TTN: variants seen among roughly 807,000 people sequenced by gnomAD.
TTN encodes the protein connectin.
TTN carries 1,525 observed loss-of-function variants against 3,223.0 expected under a neutral mutation model. The observed-to-expected ratio is 0.47, with a 90% confidence interval of 0.45 to 0.49. TTN has a LOEUF of 0.49. Among genes scored for constraint, TTN ranks in the 20% least tolerant of loss-of-function variants. TTN has a pLI of 0.00. For synonymous variants in TTN, 14,094 were observed against 15,161.0 expected (o/e 0.93, Z 5.17); for missense variants, 40,786 against 43,424.0 (o/e 0.94, Z 5.40).
At chr2:178,598,437 G>T in intron 292 of TTN, 69 bp downstream of exon 292, 2 of 1,535,268 alleles carry the variant, frequency 1.3e-6, no homozygotes, top group East Asian at 2.3e-5. Context: ...GAAGTTAATG[G>T]GATTGAGAAT....
chr2:178,658,532 T>C lies in TTN; in HGVS notation c.37563A>G (p.Glu12521=). 8.4e-7 allele frequency: 1 copy of C among 1,186,794 alleles called. No individual in the cohort carries two copies. Among genetic ancestry groups the C allele is most frequent in the Non-Finnish European group, 1.1e-6 (1 of 870,360 alleles). 73.5% of individuals were successfully genotyped at this position (1,186,794 alleles called of 1,614,324 possible). A position where few individuals can be genotyped will look rare whatever the true frequency, so the allele number is the denominator to read the frequency against. ...PPPKVPEAPK[E]VVLEKKASVA... ...CAGATGCTTTCTTTTCAAGTACAACTTCTTTAGGAGCTTCAGGAACTTTGA... is the reference window on the plus strand; with the variant it reads ...CAGATGCTTTCTTTTCAAGTACAACCTCTTTAGGAGCTTCAGGAACTTTGA... The change falls in exon 184 of 363, where the codon GAA becomes GAG. Residue 12521 remains glutamate, a synonymous_variant. Transcript: ENST00000589042.
rs1420951928 is a variant in TTN at position 178,735,814 on chromosome 2, A to G, written c.14632T>C (p.Cys4878Arg). The G allele has an allele frequency of 1.2e-6, 2 of 1,613,646 alleles. No homozygotes were observed. The highest frequency in any genetic ancestry group is 3.3e-5 in the Admixed American group (2 of 59,988). ...KASNKFGADI[C>R]QAELIIIDKP... Reference sequence around the variant, plus strand: ...TCAATGATGATCAACTCTGCTTGGCAGATGTCTGCTCCAAACTTGTTGGAA... The same window carrying G: ...TCAATGATGATCAACTCTGCTTGGCGGATGTCTGCTCCAAACTTGTTGGAA... The change falls in exon 50 of 363, where the codon TGC becomes CGC. Residue 4878 changes from cysteine to arginine, a missense_variant. Physicochemically the swap from Cys to Arg is radical, Grantham distance 180. Transcript: ENST00000589042.
rs193022703 is a variant in TTN, at chr2:178,595,029, C to T, written c.57848-383G>A. On this transcript the variant is annotated intron_variant, in intron 295 of 362. Coordinates refer to ENST00000589042, the MANE Select transcript of TTN (RefSeq NM_001267550.2). ...CTAGGAGTGGTAATGCCAGCACTTT[C>T]GGAGGCCGAGGCAGGTGGATCACTT... Among the ~76,000 whole-genome samples the T allele has an allele frequency of 1.8e-3, 276 of 151,984 alleles. 1 individual carries two copies. The highest frequency in any genetic ancestry group is 6.3e-3 in the African/African-American group (261 of 41,504).
chr2:178,715,845 A>G (rs2154298063), intron 88 of TTN, 71 bp from the exon 89 acceptor site: 1 of 1,437,800 alleles, frequency 7.0e-7, no homozygotes, highest in East Asian at 2.5e-5. Context: ...TGAGGTGGAA[A>G]AAATAATCTT....
intron 359 of TTN, 57 bp from the exon 360 acceptor site, chr2:178,529,276 C>A: frequency 7.8e-7 from 1 of 1,278,634 alleles, no homozygotes; most frequent in Non-Finnish European, 1.0e-6. Context: ...CCACCTTTTA[C>A]TCTTCTAGAT....
Position 178,719,275 on chromosome 2 carries a change from C to T in TTN, c.24115G>A (p.Val8039Ile), listed in dbSNP as rs759655046. Residue 8039 changes from valine to isoleucine, a missense_variant, in exon 83 of 363, where the codon GTC becomes ATC. Physicochemically the swap from Val to Ile is conservative, Grantham distance 29. Coordinates refer to ENST00000589042, the MANE Select transcript of TTN (RefSeq NM_001267550.2). ...PKCQSSFSEN[V>I]CTLNLSLLEP... ...AACAAGCTCAGATTCAAAGTACAGA[C>T]GTTTTCCGAAAAGCTGGACTGACAT... 2.4e-5 allele frequency: 39 copies of T among 1,613,736 alleles called. No homozygotes were observed. Among genetic ancestry groups the T allele is most frequent in the South Asian group, 1.2e-4 (11 of 91,076 alleles).
Position 178,605,539 on chromosome 2 carries a change from G to A in TTN, c.53756C>T (p.Thr17919Ile), listed in dbSNP as rs1192046645. ...FERVNKRLCPTTSFLVENLDE... is the reference protein window; with the variant it reads ...FERVNKRLCPITSFLVENLDE... ...AAGATTTTCAACCAGAAAAGATGTG[G>A]TTGGGCAGAGTCGCTTGTTAACTCT... Residue 17919 changes from threonine to isoleucine, a missense_variant, in exon 279 of 363, where the codon ACC becomes ATC. Coordinates refer to ENST00000589042, the MANE Select transcript of TTN (RefSeq NM_001267550.2). 6.2e-7 allele frequency: 1 copy of A among 1,612,292 alleles called. No individual in the cohort carries two copies. Among genetic ancestry groups the A allele is most frequent in the African/African-American group, 1.3e-5 (1 of 74,782 alleles).
chr2:178,575,736 G>C lies in TTN; in HGVS notation c.70396C>G (p.Arg23466Gly). The change falls in exon 326 of 363, where the codon CGT becomes GGT. Residue 23466 changes from arginine (R) to glycine (G), a missense_variant. Physicochemically the swap from Arg to Gly is moderately radical, Grantham distance 125. Coordinates refer to ENST00000589042, the MANE Select transcript of TTN (RefSeq NM_001267550.2). The surrounding 1 kb of genome is among the most constrained non-coding windows in gnomAD (Gnocchi z 4.0). ...TTCTCTACAATGTAGTTTGTTATAC[G>C]TGAGCCTCCATCTATCAGAGGGAGG... ...WDLPLIDGGSRITNYIVEKRE... is the reference protein window; with the variant it reads ...WDLPLIDGGSGITNYIVEKRE... 6.2e-7 allele frequency: 1 copy of C among 1,613,434 alleles called. No individual in the cohort carries two copies. The highest frequency in any genetic ancestry group is 8.5e-7 in the Non-Finnish European group (1 of 1,179,626).
At position 178,725,406 on chromosome 2, in the gene TTN, C is replaced by CCAT; in HGVS notation, c.20795_20797dup (p.Asp6932dup). On this transcript the variant is annotated inframe_insertion, in exon 71 of 363. Transcript: ENST00000589042. ...TGTGGCCATGTTCTCCCTCATTCCA[C>CCAT]CATCATTCTTGATTTGGCAGATATA... 6.2e-7 allele frequency: 1 copy of CCAT among 1,603,114 alleles called. No individual in the cohort carries two copies. Among genetic ancestry groups the CCAT allele is most frequent in the Non-Finnish European group, 8.5e-7 (1 of 1,173,864 alleles).
chr2:178,542,045 A>C (rs1694819079), intron 349 of TTN: 6 of 444,514 alleles, frequency 1.3e-5, no homozygotes, highest in Non-Finnish European at 2.0e-5. Flanking sequence ...CATAAGAGTG[A>C]AGATATTAAA....
Position 178,785,991 on chromosome 2 carries a change from C to A in TTN, c.2227G>T (p.Ala743Ser). The change falls in exon 14 of 363, where the codon GCC becomes TCC. Residue 743 changes from alanine (A) to serine (S), a missense_variant. Coordinates refer to ENST00000589042, the MANE Select transcript of TTN (RefSeq NM_001267550.2). The part of the protein sequence containing the change: ...LEYGYKERIS[A>S]AKVAEPPQRP... ...TGGGGAGGCTCAGCTACCTTTGCGG[C>A]GGAAATGCGTTCCTTATATCCGTAC... is the stretch of plus-strand genomic sequence containing the variant. 1 of 1,614,008 alleles carries A rather than the reference C, an allele frequency of 6.2e-7. No homozygotes were observed. Among genetic ancestry groups the A allele is most frequent in the Non-Finnish European group, 8.5e-7 (1 of 1,179,986 alleles).
At chr2:178,649,397 AAAC>A in intron 212 of TTN, 66 bp from the exon 213 acceptor site, 1 of 1,338,616 alleles carries the variant, frequency 7.5e-7, no homozygotes, top group Middle Eastern at 2.3e-4. Flanking sequence ...TAAGAATAAA[AAAC>A]CTGTATTTAT....
rs1286172719 is a variant in TTN at position 178,543,399 on chromosome 2, C to T, written c.96574G>A (p.Glu32192Lys). 1 of 1,613,764 alleles carries T rather than the reference C, an allele frequency of 6.2e-7. No homozygotes were observed. The highest frequency in any genetic ancestry group is 1.7e-5 in the Admixed American group (1 of 59,980). Residue 32192 changes from glutamate to lysine, a missense_variant, in exon 347 of 363, where the codon GAA becomes AAA. Physicochemically the swap from Glu to Lys is moderately conservative, Grantham distance 56 (BLOSUM62 1). Coordinates refer to ENST00000589042, the MANE Select transcript of TTN (RefSeq NM_001267550.2). Reference protein sequence around the residue: ...ENIYGIGEPCETSDAVLVSEV... With the variant: ...ENIYGIGEPCKTSDAVLVSEV... ...GAGACCAGTACTGCATCAGATGTTT[C>T]ACAAGGTTCTCCAATGCCATAAATA... is the stretch of plus-strand genomic sequence containing the variant.
Position 178,646,532 on chromosome 2 carries a change from G to T in TTN, c.40250C>A (p.Pro13417His). The change falls in exon 216 of 363, where the codon CCT (proline) becomes CAT (histidine). Residue 13417 changes from proline (P) to histidine (H), a missense_variant. Coordinates refer to ENST00000589042, the MANE Select transcript of TTN (RefSeq NM_001267550.2). ...EEREIEKYIKPEEPEPEPQPE... is the reference protein window; with the variant it reads ...EEREIEKYIKHEEPEPEPQPE... ...CTGTGGTTCAGGTTCGGGCTCTTCA[G>T]GTTTAATATACTTTTCAATTTCACG... is the stretch of plus-strand genomic sequence containing the variant. 1 of 1,547,460 alleles carries T rather than the reference G, an allele frequency of 6.5e-7. No individual in the cohort carries two copies.
intron 69 of TTN, 183 bp downstream of exon 69, chr2:178,726,907 A>T: frequency 2.1e-6 from 1 of 477,628 alleles, no homozygotes; most frequent in Non-Finnish European, 3.4e-6. Flanking sequence ...TTTCATAATG[A>T]CTAGTTACAT....
chr2:178,706,120 T>C (rs946757046), intron 102 of TTN, among the ~76,000 whole-genome samples: 1 of 152,180 alleles, frequency 6.6e-6, no homozygotes, highest in Non-Finnish European at 1.5e-5. Flanking sequence ...TCTTGAGAGA[T>C]TCTTTTTGTG....
rs201003628 is a variant in TTN at position 178,720,935 on chromosome 2, G to A, written c.23084C>T (p.Ala7695Val). Residue 7695 changes from alanine (A) to valine (V), a missense_variant, in exon 79 of 363, where the codon GCG becomes GTG. Coordinates refer to ENST00000589042, the MANE Select transcript of TTN (RefSeq NM_001267550.2). Reference protein sequence around the residue: ...NGVGDASCSTALTVKAPPVFT... With the variant: ...NGVGDASCSTVLTVKAPPVFT... ...GTGTGTCTAACCTTTCACTGTCAAC[G>A]CTGTGCTGCAGCTGGCGTCACCAAC... 4 of 1,593,152 alleles carry A rather than the reference G, an allele frequency of 2.5e-6. No individual in the cohort carries two copies. Among genetic ancestry groups the A allele is most frequent in the South Asian group, 1.1e-5 (1 of 88,868 alleles).
chr2:178,683,178 T>C, intron 134 of TTN, 33 bp downstream of exon 134: 1 of 1,405,702 alleles, frequency 7.1e-7, no homozygotes, highest in Non-Finnish European at 9.9e-7. Flanking sequence ...GATAGTTTCA[T>C]GCCTCACATT....
At chr2:178,777,079 A>C (rs746886322) in intron 27 of TTN, 30 bp from the exon 28 acceptor site, 17 of 1,613,828 alleles carry the variant, frequency 1.1e-5, no homozygotes, top group Non-Finnish European at 1.4e-5. Flanking sequence ...GGAATAATCA[A>C]TATAGTGGTA....
Sources: allele counts gnomAD v4.1 joint callset (sites outside exome capture counted in the v4.1 genomes callset), GRCh38; gene constraint gnomAD v4.1.1; non-coding constraint Gnocchi (gnomAD v3.1); transcripts MANE v1.5; gene names NCBI Gene and HGNC (gene_info 2026-07-23, HGNC 2026-07-21).